The following PRKCE variants were observed in gnomAD, a reference collection of about 807,000 sequenced individuals.
PRKCE encodes protein kinase C epsilon.
In PRKCE, 16 loss-of-function variants were observed where a neutral mutation model predicts 85.4. That is an observed-to-expected ratio of 0.19 (90% CI 0.13 to 0.28). The LOEUF (loss-of-function observed/expected upper bound fraction) is 0.28, where lower values mean the gene tolerates loss of function less well. Among genes scored for constraint, PRKCE ranks in the 10% least tolerant of loss-of-function variants. PRKCE has a pLI of 1.00. For synonymous variants in PRKCE, 388 were observed against 371.5 expected (o/e 1.04, Z -0.51); for missense variants, 573 against 975.2 (o/e 0.59, Z 5.49).
intron 2 of PRKCE, among the ~76,000 whole-genome samples, chr2:45,964,623 C>T (rs185314828): frequency 1.9e-4 from 29 of 152,280 alleles, no homozygotes; most frequent in Admixed American, 1.7e-3. Flanking sequence ...AGGGAATGAA[C>T]GAATGGGCGA....
At chr2:45,917,044 G>C (rs1350307248) in intron 2 of PRKCE, among the ~76,000 whole-genome samples, 6 of 152,030 alleles carry the variant, frequency 3.9e-5, no homozygotes, top group Non-Finnish European at 8.8e-5. Context: ...GTGTGGAAGG[G>C]GACTCCAGCA....
At chr2:45,993,866 T>C (rs1291986097) in intron 6 of PRKCE, among the ~76,000 whole-genome samples, 1 of 152,104 alleles carries the variant, frequency 6.6e-6, no homozygotes, top group East Asian at 1.9e-4. Context: ...ATTAGTCAAG[T>C]CGGTGCCATG....
intron 1 of PRKCE, among the ~76,000 whole-genome samples, chr2:45,800,534 G>A (rs922061106): frequency 6.6e-6 from 1 of 152,248 alleles, no homozygotes; most frequent in Non-Finnish European, 1.5e-5. Flanking sequence ...TGAGAGGCCT[G>A]TCTAGACTGG....
chr2:45,679,881 A>G (rs111763205), intron 1 of PRKCE, among the ~76,000 whole-genome samples: 29 of 152,336 alleles, frequency 1.9e-4, no homozygotes, highest in African/African-American at 6.5e-4. Flanking sequence ...TGCAACATGA[A>G]GGTGAAGTCC....
chr2:45,794,326 G>A (rs1232578896), intron 1 of PRKCE, among the ~76,000 whole-genome samples: 6 of 152,156 alleles, frequency 3.9e-5, no homozygotes, highest in Admixed American at 3.9e-4. Context: ...CGCACTCTGG[G>A]CTGGCGTTTC....
chr2:45,861,435 G>C (rs1693153567), intron 2 of PRKCE, among the ~76,000 whole-genome samples: 1 of 152,176 alleles, frequency 6.6e-6, no homozygotes, highest in Non-Finnish European at 1.5e-5. Context: ...TACAACCCAT[G>C]TATTAGGTTG....
intron 5 of PRKCE, among the ~76,000 whole-genome samples, chr2:45,980,632 C>A (rs6705389): frequency 7.2e-5 from 11 of 152,164 alleles, no homozygotes; most frequent in African/African-American, 2.7e-4. Context: ...CACTGAAGCC[C>A]ACAAGAAAAA....
chr2:45,849,044 A>T (rs1024102250), intron 2 of PRKCE, among the ~76,000 whole-genome samples: 2 of 152,214 alleles, frequency 1.3e-5, no homozygotes, highest in African/African-American at 4.8e-5. Flanking sequence ...AGGATAAGTT[A>T]AATAGATGCA....
intron 10 of PRKCE, among the ~76,000 whole-genome samples, chr2:46,025,621 C>A (rs558594231): frequency 2.9e-4 from 44 of 152,326 alleles, no homozygotes; most frequent in African/African-American, 1.1e-3. Flanking sequence ...CTCTCTCTCC[C>A]TTGCTCTCAC....
At chr2:45,709,812 C>CT (rs963636063) in intron 1 of PRKCE, among the ~76,000 whole-genome samples, 28 of 151,718 alleles carry the variant, frequency 1.8e-4, no homozygotes, top group South Asian at 8.4e-4. Context: ...GACCATGTAT[C>CT]TTTTTTTTTG....
intron 1 of PRKCE, among the ~76,000 whole-genome samples, chr2:45,833,882 C>G (rs954575608): frequency 6.6e-6 from 1 of 152,208 alleles, no homozygotes; most frequent in Non-Finnish European, 1.5e-5. Context: ...TTAGGATATA[C>G]AGTCATGTAC....
intron 1 of PRKCE, among the ~76,000 whole-genome samples, chr2:45,718,716 C>T (rs1039589685): frequency 6.6e-6 from 1 of 152,086 alleles, no homozygotes; most frequent in South Asian, 2.1e-4. Context: ...CTGGGACTCT[C>T]GGATAAGTTT....
intron 2 of PRKCE, among the ~76,000 whole-genome samples, chr2:45,890,440 T>C (rs1041304080): frequency 6.6e-6 from 1 of 152,162 alleles, no homozygotes; most frequent in African/African-American, 2.4e-5. Flanking sequence ...ATTGCGGTGG[T>C]GTGATCTCGG....
intron 1 of PRKCE, among the ~76,000 whole-genome samples, chr2:45,816,171 C>T (rs778268416): frequency 1.1e-4 from 17 of 152,260 alleles, no homozygotes; most frequent in African/African-American, 3.4e-4. Flanking sequence ...CCTGGCACTG[C>T]GTCATACAGA....
chr2:45,858,168 A>G (rs1462904090), intron 2 of PRKCE, among the ~76,000 whole-genome samples: 1 of 152,058 alleles, frequency 6.6e-6, no homozygotes, highest in Non-Finnish European at 1.5e-5. Flanking sequence ...AGGCCACTCA[A>G]CCTCTCCCTG....
In PRKCE at chr2:45,651,825, T is replaced by G; in HGVS notation, c.-276T>G. 3.1e-6 allele frequency: 1 copy of G among 321,276 alleles called. No homozygotes were observed. Among genetic ancestry groups the G allele is most frequent in the Non-Finnish European group, 5.8e-6 (1 of 173,570 alleles). The allele number at this position is 321,276 out of a possible 1,614,324, so 19.9% of individuals were successfully genotyped here. A position where few individuals can be genotyped will look rare whatever the true frequency, so the allele number is the denominator to read the frequency against. On this transcript the variant is annotated 5_prime_UTR_variant, in exon 1 of 15. Transcript: ENST00000306156. ...GACAGCTCGTCTTCTCTTCTGGAGG[T>G]GCAGCTGGTGGTCGGGGGGAGAGAC...
intron 1 of PRKCE, among the ~76,000 whole-genome samples, chr2:45,725,790 C>T (rs970168460): frequency 6.6e-6 from 1 of 151,714 alleles, no homozygotes; most frequent in Non-Finnish European, 1.5e-5. Flanking sequence ...GAGATCACAT[C>T]ACTGTACTCT....
chr2:45,974,211 C>A (rs1702287159), intron 2 of PRKCE, among the ~76,000 whole-genome samples: 1 of 152,302 alleles, frequency 6.6e-6, no homozygotes, highest in South Asian at 2.1e-4. Context: ...CAAAAACTTG[C>A]CTATGATGGC....
intron 2 of PRKCE, among the ~76,000 whole-genome samples, chr2:45,855,132 A>G (rs1391366530): frequency 6.6e-6 from 1 of 151,158 alleles, no homozygotes; most frequent in Non-Finnish European, 1.5e-5. Flanking sequence ...CAGTGTTTCC[A>G]TTTGTTCTAT....
Sources: gnomAD v4.1 joint callset for allele counts (sites outside exome capture counted in the v4.1 genomes callset) on GRCh38, gnomAD v4.1.1 for gene constraint, MANE v1.5 for transcripts, NCBI Gene and HGNC (gene_info 2026-07-23, HGNC 2026-07-21) for gene names.